Variants in NRK observed in about 807,000 individuals in gnomAD.
The protein encoded by NRK is Nik related kinase.
A neutral mutation model predicts 125.2 loss-of-function variants in NRK; 67 were observed. The ratio of observed to expected loss-of-function variants is 0.54; its 90% CI spans 0.44 to 0.66. NRK has a LOEUF of 0.66. Among genes scored for constraint, NRK ranks in the 30% least tolerant of loss-of-function variants. NRK has a pLI of 0.00. For missense variants in NRK, 1,224 were observed against 1,192.9 expected (o/e 1.03, Z -0.38); for synonymous variants, 458 against 429.0 (o/e 1.07, Z -0.84).
chrX:105,943,523 G>A (rs1459957199), intron 23 of NRK, among the ~76,000 whole-genome samples: 3 of 111,857 alleles, frequency 2.7e-5, no homozygotes, highest in Non-Finnish European at 3.8e-5. Flanking sequence ...AAGATTCCAC[G>A]TGAAATATAG....
In NRK at chrX:105,909,827, G is replaced by A. The variant is rs757936056; in HGVS notation, c.2186G>A (p.Arg729His). ...GAAGCCCGCAGGCAAAGGCGCCAAC[G>A]CAGATGGGAAGATATCTTTAATCAG... ...DLEARRQRRQ[R>H]RWEDIFNQHE... Residue 729 changes from arginine (R) to histidine (H), a missense_variant, in exon 13 of 29, where the codon CGC becomes CAC. By Grantham distance (29) the Arg-to-His change is conservative. Coordinates refer to ENST00000243300, the MANE Select transcript of NRK (RefSeq NM_198465.4). 83 of 1,168,549 alleles carry A rather than the reference G, an allele frequency of 7.1e-5. No homozygotes were observed. Among genetic ancestry groups the A allele is most frequent in the Admixed American group, 9.8e-5 (4 of 40,748 alleles).
intron 14 of NRK, among the ~76,000 whole-genome samples, chrX:105,913,132 T>A (rs2040323034): frequency 8.9e-6 from 1 of 111,966 alleles, no homozygotes; most frequent in Non-Finnish European, 1.9e-5. Flanking sequence ...CTGCATTCAA[T>A]CTGTTGCCAT....
chrX:105,942,046 T>C (rs1026497602), intron 23 of NRK, among the ~76,000 whole-genome samples: 5 of 111,852 alleles, frequency 4.5e-5, no homozygotes, highest in African/African-American at 1.6e-4. Flanking sequence ...ATATATTATG[T>C]TGTGTTTTAT....
At chrX:105,885,361 C>T (rs1334354617) in intron 4 of NRK, among the ~76,000 whole-genome samples, 1 of 111,956 alleles carries the variant, frequency 8.9e-6, no homozygotes. Flanking sequence ...TTGTGTCATT[C>T]ACATATGTGA....
intron 2 of NRK, among the ~76,000 whole-genome samples, chrX:105,869,058 A>C (rs936766441): frequency 9.0e-6 from 1 of 111,140 alleles, no homozygotes; most frequent in East Asian, 2.9e-4. Context: ...TTTGCAATAC[A>C]TTAGTATGGG....
chrX:105,938,460 A>AT (rs1668874708), intron 22 of NRK, among the ~76,000 whole-genome samples: 2 of 111,840 alleles, frequency 1.8e-5, no homozygotes, highest in Admixed American at 9.5e-5. Context: ...AGACTTCATG[A>AT]TTTTTTAAAT....
Position 105,906,764 on chromosome X carries a change from C to CGTGTGTGTGTGT in NRK, c.1021+208_1021+219dup, listed in dbSNP as rs61655627. On this transcript the variant is annotated intron_variant, in intron 11 of 28. Coordinates refer to ENST00000243300, the MANE Select transcript of NRK (RefSeq NM_198465.4). Reference sequence around the variant, plus strand: ...TGTGCTCTTATTTAATTTTCTCTTGCGTGTGTGTGTGTGTGTGTGTGTGTG... The same window carrying CGTGTGTGTGTGT: ...TGTGCTCTTATTTAATTTTCTCTTGCGTGTGTGTGTGTGTGTGTGTGTGTGTGTGTGTGTGTG... Among the ~76,000 whole-genome samples, 101 of 87,536 alleles carry CGTGTGTGTGTGT rather than the reference C, an allele frequency of 1.2e-3. 2 individuals are homozygous for CGTGTGTGTGTGT. The highest frequency in any genetic ancestry group is 1.6e-3 in the African/African-American group (37 of 23,703). The allele number at this position is 87,536 out of a possible 115,157, so 76.0% of individuals were successfully genotyped here.
intron 21 of NRK, among the ~76,000 whole-genome samples, chrX:105,937,232 G>A (rs978115495): frequency 1.6e-4 from 18 of 109,840 alleles, no homozygotes; most frequent in African/African-American, 6.0e-4. Flanking sequence ...AGCCTAAACT[G>A]ATAAGTCATC....
At chrX:105,926,617 T>C (rs2040527208) in intron 19 of NRK, among the ~76,000 whole-genome samples, 1 of 111,585 alleles carries the variant, frequency 9.0e-6, no homozygotes, top group African/African-American at 3.2e-5. Context: ...AGTAGTTTTA[T>C]GGTTTCAGAT....
At position 105,957,420 on chromosome X, in the gene NRK, T is replaced by C. The variant is rs1372994242; in HGVS notation, c.*1820T>C. 1 of 112,032 alleles carries C rather than the reference T, an allele frequency of 8.9e-6. No homozygotes were observed. The highest frequency in any genetic ancestry group is 1.9e-5 in the Non-Finnish European group (1 of 53,135). The allele number at this position is 112,032 out of a possible 1,213,427, so 9.2% of individuals were successfully genotyped here. A position where few individuals can be genotyped will look rare whatever the true frequency, so the allele number is the denominator to read the frequency against. On this transcript the variant is annotated 3_prime_UTR_variant, in exon 29 of 29. Coordinates refer to ENST00000243300, the MANE Select transcript of NRK (RefSeq NM_198465.4). ...GCAAATGGAGCTTGCTATGTTTTAATTTCAGAAAATTTCCTCATATACGTA... is the reference window on the plus strand; with the variant it reads ...GCAAATGGAGCTTGCTATGTTTTAACTTCAGAAAATTTCCTCATATACGTA...
chrX:105,920,576 G>T (rs2040428502), intron 16 of NRK, among the ~76,000 whole-genome samples: 2 of 109,456 alleles, frequency 1.8e-5, no homozygotes, highest in African/African-American at 6.7e-5. Flanking sequence ...TCCTTGAGCA[G>T]TGGTTTGTAG....
intron 12 of NRK, 44 bp downstream of exon 12, chrX:105,908,347 A>G (rs762175680): frequency 1.0e-5 from 7 of 673,604 alleles, no homozygotes; most frequent in Middle Eastern, 8.4e-4. Flanking sequence ...ATAGCAATTC[A>G]CATAAGGCCG....
rs760939013 is a variant in NRK, at chrX:105,917,640, C to T, written c.2480C>T (p.Ser827Leu). 14 of 1,160,520 alleles carry T rather than the reference C, an allele frequency of 1.2e-5. No homozygotes were observed. The highest frequency in any genetic ancestry group is 3.6e-5 in the African/African-American group (2 of 55,722). ...QKPIDIRQRS[S>L]QNRQNWLAAS... ...CCCATTGACATCAGACAAAGGAGTT[C>T]GCAAAATCGTCAAAATTGGCTGGCA... Residue 827 changes from serine (S) to leucine (L), a missense_variant, in exon 16 of 29, where the codon TCG (serine) becomes TTG (leucine). Transcript: ENST00000243300.
At chrX:105,932,010 C>T (rs775706670) in intron 19 of NRK, among the ~76,000 whole-genome samples, 1 of 110,846 alleles carries the variant, frequency 9.0e-6, no homozygotes, top group South Asian at 3.9e-4. Flanking sequence ...CTTGTTTCCC[C>T]CCTCCTCTAA....
intron 7 of NRK, among the ~76,000 whole-genome samples, chrX:105,896,295 A>G (rs2040082224): frequency 8.9e-6 from 1 of 112,024 alleles, no homozygotes; most frequent in Non-Finnish European, 1.9e-5. Context: ...AGTCACTTGC[A>G]TTATTTTTCA....
At chrX:105,926,491 C>A (rs1014812765) in intron 19 of NRK, among the ~76,000 whole-genome samples, 4 of 111,474 alleles carry the variant, frequency 3.6e-5, no homozygotes, top group African/African-American at 1.3e-4. Flanking sequence ...CTTTTCTGTG[C>A]AGAAGATTTT....
chrX:105,840,047 T>C (rs2039311097), intron 2 of NRK, among the ~76,000 whole-genome samples: 1 of 111,953 alleles, frequency 8.9e-6, no homozygotes, highest in Non-Finnish European at 1.9e-5. Context: ...TGGAAATTGC[T>C]GAGGCTTACA....
In NRK at chrX:105,896,020, G is replaced by A. The variant is rs760809469; in HGVS notation, c.580+497G>A. The stretch of plus-strand genomic sequence containing the variant: ...TAAAGAAATGATATTGATCAGAATC[G>A]ATGCTCCAATAATATGCAAGTCAAG... On this transcript the variant is annotated intron_variant, in intron 7 of 28. Transcript: ENST00000243300. Among the ~76,000 whole-genome samples, 13 of 111,520 alleles carry A rather than the reference G, an allele frequency of 1.2e-4. No individual in the cohort carries two copies. The East Asian group carries it at 3.4e-3, about 29-fold the overall frequency.
intron 2 of NRK, among the ~76,000 whole-genome samples, chrX:105,853,962 A>G (rs1307719733): frequency 8.9e-6 from 1 of 112,013 alleles, no homozygotes; most frequent in Non-Finnish European, 1.9e-5. Context: ...CTTAATACAC[A>G]GTAGAGTAGC....
Sources: gnomAD v4.1 joint callset for allele counts (sites outside exome capture counted in the v4.1 genomes callset) on GRCh38, gnomAD v4.1.1 for gene constraint, MANE v1.5 for transcripts, NCBI Gene and HGNC (gene_info 2026-07-23, HGNC 2026-07-21) for gene names.